Variants in CYRIB observed in about 807,000 individuals in gnomAD.
The protein encoded by CYRIB is CYFIP-related Rac1 interactor B.
A neutral mutation model predicts 44.2 loss-of-function variants in CYRIB; 8 were observed. The observed-to-expected ratio is 0.18, with a 90% CI of 0.11 to 0.33. The LOEUF (loss-of-function observed/expected upper bound fraction) is 0.33. Among genes scored for constraint, CYRIB ranks in the 10% least tolerant of loss-of-function variants. CYRIB has a pLI of 1.00. For synonymous variants in CYRIB, 131 were observed against 127.2 expected (o/e 1.03, Z -0.20); for missense variants, 185 against 382.8 (o/e 0.48, Z 4.31).
Position 129,846,628 on chromosome 8 carries a change from T to C in CYRIB, c.911+176A>G, listed in dbSNP as rs993833779. ...GTCCCACACATTCCTCATCATAAAA[T>C]ACCGTAACCAGTGTTTGGAAGCAAG... On this transcript the variant is annotated intron_variant, in intron 11 of 11. Coordinates refer to ENST00000519824, the Ensembl canonical transcript of CYRIB. Among the ~76,000 whole-genome samples, 8 of 152,194 alleles carry C rather than the reference T, an allele frequency of 5.3e-5. No homozygotes were observed. In the East Asian group the frequency reaches 1.3e-3, roughly 26 times the overall value.
At chr8:129,987,825 G>A (rs2096519349) in intron 1 of CYRIB, among the ~76,000 whole-genome samples, 1 of 152,100 alleles carries the variant, frequency 6.6e-6, no homozygotes, top group Admixed American at 6.6e-5. Context: ...ACCTGCCTCG[G>A]CTTCCCAAAG....
intron 1 of CYRIB, among the ~76,000 whole-genome samples, chr8:130,009,318 A>C (rs1473830827): frequency 6.7e-6 from 1 of 149,994 alleles, no homozygotes; most frequent in Non-Finnish European, 1.5e-5. Context: ...CCCAGGCTGG[A>C]GTGCAATGGC....
chr8:129,999,230 G>A (rs148234965), intron 1 of CYRIB, among the ~76,000 whole-genome samples: 1 of 152,282 alleles, frequency 6.6e-6, no homozygotes, highest in Non-Finnish European at 1.5e-5. Context: ...AGAGCAGCAA[G>A]GTGACAACAC....
At position 129,945,332 on chromosome 8, in the gene CYRIB, T is replaced by C. The variant is rs147470386; in HGVS notation, c.-243+25611A>G. Among the ~76,000 whole-genome samples the C allele has an allele frequency of 4.7e-4, 71 of 152,334 alleles. No individual in the cohort carries two copies. In the South Asian group the frequency reaches 0.01, roughly 22 times the overall value. ...GGGCAACACAGCAGAGCTGAAACCA[T>C]GTCTATGCTCTGGATGTAACTTAGG... On this transcript the variant is annotated intron_variant, in intron 2 of 14. Coordinates refer to the CYRIB transcript ENST00000401979.
chr8:129,944,272 C>G (rs551085757), upstream of CYRIB, among the ~76,000 whole-genome samples: 1 of 152,194 alleles, frequency 6.6e-6, no homozygotes, highest in South Asian at 2.1e-4. Flanking sequence ...AGAGCCTGCT[C>G]AAGGAAACTG....
chr8:129,933,582 T>G (rs944826388), intron 1 of CYRIB, among the ~76,000 whole-genome samples: 1 of 152,104 alleles, frequency 6.6e-6, no homozygotes, highest in East Asian at 1.9e-4. Flanking sequence ...TAATGTATAG[T>G]AAGAACTGAT....
chr8:130,001,978 G>A (rs1247202443), intron 1 of CYRIB, among the ~76,000 whole-genome samples: 2 of 152,140 alleles, frequency 1.3e-5, no homozygotes, highest in South Asian at 2.1e-4. Context: ...GATGTCTATG[G>A]TGGCTGTTCT....
chr8:130,006,611 T>TATATGTATATATATATACAC (rs1564798006), intron 1 of CYRIB, among the ~76,000 whole-genome samples: 13 of 13,612 alleles, frequency 9.6e-4, no homozygotes, highest in Non-Finnish European at 2.3e-3. Flanking sequence ...TATATACATA[T>TATATGTATATATATATACAC]ATATGTGTAT....
chr8:129,973,580 C>T (rs2095801907), intron 1 of CYRIB, among the ~76,000 whole-genome samples: 1 of 152,244 alleles, frequency 6.6e-6, no homozygotes, highest in African/African-American at 2.4e-5. Flanking sequence ...AGGGGAGTCC[C>T]AACCACCTCA....
intron 1 of CYRIB, 105 bp from the exon 2 acceptor site, chr8:129,971,100 C>T (rs1057122928): frequency 3.3e-5 from 5 of 152,236 alleles, no homozygotes; most frequent in African/African-American, 1.2e-4. Flanking sequence ...AGTAGAGGTA[C>T]AGTTTGGGAA....
At chr8:129,880,927 G>A (rs916631527) in intron 2 of CYRIB, among the ~76,000 whole-genome samples, 1 of 152,098 alleles carries the variant, frequency 6.6e-6, no homozygotes, top group Non-Finnish European at 1.5e-5. Flanking sequence ...AAAGCCTAAA[G>A]AAAGTTATCA....
chr8:130,003,026 T>C (rs2096942599), intron 1 of CYRIB, among the ~76,000 whole-genome samples: 1 of 152,234 alleles, frequency 6.6e-6, no homozygotes, highest in Admixed American at 6.5e-5. Flanking sequence ...TGTGAGTATC[T>C]GTAATTACTC....
intron 2 of CYRIB, among the ~76,000 whole-genome samples, chr8:129,946,244 T>G (rs991471136): frequency 1.3e-5 from 2 of 151,858 alleles, no homozygotes; most frequent in Non-Finnish European, 2.9e-5. Flanking sequence ...AGACTCTATA[T>G]TTTGCTGCCA....
At chr8:129,879,849 AAAC>A in intron 2 of CYRIB, 1 of 162,016 alleles carries the variant, frequency 6.2e-6, no homozygotes, top group Non-Finnish European at 1.3e-5. Context: ...TATAGCACTG[AAAC>A]AACAATTTAT....
chr8:129,969,031 T>TTTTTTTTTTTG (rs2095593481), intron 2 of CYRIB, among the ~76,000 whole-genome samples: 1 of 148,130 alleles, frequency 6.8e-6, no homozygotes, highest in Admixed American at 6.8e-5. Flanking sequence ...TTTTTTTTTT[T>TTTTTTTTTTTG]GAGGTGGATT....
At position 129,841,889 on chromosome 8, in the gene CYRIB, C is replaced by A. The variant is rs1376552339; in HGVS notation, c.*253G>T. ...GTCACAGAATTTTTCTCAGTAGAGA[C>A]CCCAATGCAATGCATAATTAGCTGC... On this transcript the variant is annotated 3_prime_UTR_variant, in exon 12 of 12. Coordinates refer to ENST00000519824, the Ensembl canonical transcript of CYRIB. The A allele has an allele frequency of 1.0e-5, 4 of 383,524 alleles. No individual in the cohort carries two copies. In the East Asian group the frequency reaches 1.6e-4, roughly 15 times the overall value. 23.8% of individuals were successfully genotyped at this position (383,524 alleles called of 1,614,324 possible). A position where few individuals can be genotyped will look rare whatever the true frequency, so the allele number is the denominator to read the frequency against.
chr8:129,994,319 C>A (rs906198771), intron 1 of CYRIB, among the ~76,000 whole-genome samples: 1 of 152,180 alleles, frequency 6.6e-6, no homozygotes, highest in Admixed American at 6.5e-5. Context: ...AAGAGGGAAC[C>A]AACCCTCCCG....
At chr8:129,869,769 T>A (rs942857622) in intron 4 of CYRIB, among the ~76,000 whole-genome samples, 3 of 152,186 alleles carry the variant, frequency 2.0e-5, no homozygotes, top group Non-Finnish European at 4.4e-5. Context: ...CTAAGTGCTG[T>A]AAGTTTACAA....
chr8:129,997,714 AG>A lies in CYRIB; in HGVS notation c.-296+18655del, dbSNP rs563804054. Among the ~76,000 whole-genome samples, 28 of 152,246 alleles carry A rather than the reference AG, an allele frequency of 1.8e-4. No homozygotes were observed. In the South Asian group the frequency reaches 5.6e-3, roughly 30 times the overall value. ...GGGTTCCCCTCCCCCTCCTGCCACT[AG>A]GTTGTCACATAGCCTGTCAAGACTG... On this transcript the variant is annotated intron_variant, in intron 1 of 14. Coordinates refer to the CYRIB transcript ENST00000401979.
Sources: allele counts gnomAD v4.1 joint callset (sites outside exome capture counted in the v4.1 genomes callset), GRCh38; gene constraint gnomAD v4.1.1; transcripts MANE v1.5; gene names NCBI Gene and HGNC (gene_info 2026-07-23, HGNC 2026-07-21).